OPCML: variants seen among roughly 807,000 people sequenced by gnomAD.
OPCML encodes opioid-binding protein/cell adhesion molecule.
A neutral mutation model predicts 37.8 loss-of-function variants in OPCML; 13 were observed. The observed-to-expected ratio is 0.34, with a 90% CI of 0.22 to 0.55. The LOEUF is 0.55. Ranked by LOEUF, OPCML falls within the 20% of genes least tolerant of loss-of-function variation. The pLI is 0.91. For missense variants in OPCML, 341 were observed against 435.6 expected (o/e 0.78, Z 1.93); for synonymous variants, 176 against 168.8 (o/e 1.04, Z -0.33).
chr11:132,907,564 G>C (rs534980903), intron 2 of OPCML, among the ~76,000 whole-genome samples: 14 of 151,654 alleles, frequency 9.2e-5, no homozygotes, highest in African/African-American at 3.4e-4. Flanking sequence ...CTGAGAGATG[G>C]AGGTCGCAGT....
At chr11:133,430,173 A>G (rs1045397461) in intron 1 of OPCML, among the ~76,000 whole-genome samples, 2 of 152,216 alleles carry the variant, frequency 1.3e-5, no homozygotes, top group Admixed American at 6.5e-5. Context: ...AAACTGGCCA[A>G]TGGAGATAAT....
chr11:132,564,549 G>A lies in OPCML; in HGVS notation c.380-35363C>T, dbSNP rs535455569. Among the ~76,000 whole-genome samples the A allele has an allele frequency of 4.5e-4, 68 of 152,252 alleles. 1 individual carries two copies. The highest frequency in any genetic ancestry group is 1.5e-3 in the African/African-American group (62 of 41,562). On this transcript the variant is annotated intron_variant, in intron 3 of 7. Coordinates refer to ENST00000524381, the MANE Select transcript of OPCML (RefSeq NM_001012393.5). ...TGGAGGTTGCCATTTCTGGAGCTCC[G>A]CATAAACTGATTATACTGAGGAAGT...
chr11:133,362,892 G>A (rs1297976583), intron 1 of OPCML, among the ~76,000 whole-genome samples: 1 of 152,154 alleles, frequency 6.6e-6, no homozygotes, highest in Non-Finnish European at 1.5e-5. Context: ...TGGACAGAGG[G>A]TGGTGATGTC....
chr11:132,761,763 A>T (rs186594019), intron 2 of OPCML, among the ~76,000 whole-genome samples: 1,815 of 152,122 alleles, frequency 0.012, 37 homozygotes, highest in African/African-American at 0.042. Flanking sequence ...ATGCTCCTTT[A>T]GCTCGGAAGA....
chr11:132,443,457 T>G (rs1164839979), intron 4 of OPCML, among the ~76,000 whole-genome samples: 3 of 152,168 alleles, frequency 2.0e-5, no homozygotes, highest in Admixed American at 2.0e-4. Flanking sequence ...CAAGAGAGAC[T>G]ATTACAGACG....
At chr11:133,003,194 A>ACATGG (rs768974132) in intron 1 of OPCML, among the ~76,000 whole-genome samples, 59 of 152,338 alleles carry the variant, frequency 3.9e-4, no homozygotes, top group South Asian at 6.2e-4. Context: ...ATTTCCACAA[A>ACATGG]CATGGTGGCT....
intron 1 of OPCML, among the ~76,000 whole-genome samples, chr11:133,222,404 G>A (rs904084854): frequency 1.3e-5 from 2 of 152,194 alleles, no homozygotes; most frequent in African/African-American, 4.8e-5. Flanking sequence ...TGTTTTAAAG[G>A]CAAAGCCAAC....
intron 4 of OPCML, among the ~76,000 whole-genome samples, chr11:132,461,376 G>A (rs375721241): frequency 3.2e-4 from 49 of 152,248 alleles, no homozygotes; most frequent in African/African-American, 1.2e-3. Context: ...ATTGCAAAAG[G>A]ACTGGGTTCG....
At chr11:132,949,641 T>C (rs1009247276) in intron 1 of OPCML, among the ~76,000 whole-genome samples, 3 of 152,182 alleles carry the variant, frequency 2.0e-5, no homozygotes, top group African/African-American at 7.2e-5. Context: ...AAGAAACCAA[T>C]TTAAAAATGA....
In OPCML at chr11:132,998,300, C is replaced by G. The variant is rs116458056; in HGVS notation, c.62-55290G>C. Reference sequence around the variant, plus strand: ...CTGAGTGCATTGAGCAGAGTTCACCCAGTGGCTTACATGTGTAAGTCTATG... The same window carrying G: ...CTGAGTGCATTGAGCAGAGTTCACCGAGTGGCTTACATGTGTAAGTCTATG... On this transcript the variant is annotated intron_variant, in intron 1 of 7. Coordinates refer to ENST00000524381, the MANE Select transcript of OPCML (RefSeq NM_001012393.5). Among the ~76,000 whole-genome samples the G allele has an allele frequency of 2.3e-3, 353 of 152,248 alleles. 1 individual carries two copies. The highest frequency in any genetic ancestry group is 8.0e-3 in the African/African-American group (332 of 41,550).
chr11:132,800,052 T>C (rs529798391), intron 2 of OPCML, among the ~76,000 whole-genome samples: 55 of 152,360 alleles, frequency 3.6e-4, no homozygotes, highest in Non-Finnish European at 6.3e-4. Flanking sequence ...TTTCATTATA[T>C]GAACATTGGA....
chr11:133,484,747 T>C (rs150551473), intron 1 of OPCML, among the ~76,000 whole-genome samples: 71 of 152,120 alleles, frequency 4.7e-4, no homozygotes, highest in African/African-American at 1.7e-3. Context: ...CCAAGTAGAG[T>C]TCATGTCATG....
rs1334174047 is a variant in OPCML, at chr11:133,242,753, A to G, written c.61+289511T>C. 6.6e-5 allele frequency among the ~76,000 whole-genome samples: 10 copies of G among 152,350 alleles called. No homozygotes were observed. In the East Asian group the frequency reaches 1.9e-3, roughly 29 times the overall value. On this transcript the variant is annotated intron_variant, in intron 1 of 7. Coordinates refer to ENST00000524381, the MANE Select transcript of OPCML (RefSeq NM_001012393.5). ...AAGGGGAGGGGACAGAACTCAGTCC[A>G]TAACAGGATTCCTGCTGCACTCTCT...
intron 1 of OPCML, among the ~76,000 whole-genome samples, chr11:133,391,622 A>G (rs1945175911): frequency 6.6e-6 from 1 of 152,190 alleles, no homozygotes; most frequent in Non-Finnish European, 1.5e-5. Flanking sequence ...TTGTTGAAAG[A>G]AAGTTTGTTA....
chr11:132,714,834 A>G (rs1944407786), intron 2 of OPCML, among the ~76,000 whole-genome samples: 1 of 152,190 alleles, frequency 6.6e-6, no homozygotes, highest in Non-Finnish European at 1.5e-5. Flanking sequence ...TTTCAGACAC[A>G]GTTATATTTT....
chr11:132,533,181 G>A (rs1027149263), intron 3 of OPCML, among the ~76,000 whole-genome samples: 1 of 152,170 alleles, frequency 6.6e-6, no homozygotes, highest in African/African-American at 2.4e-5. Flanking sequence ...AGACGCTATT[G>A]AGCCTTCCCT....
Position 132,441,165 on chromosome 11 carries a change from G to GTTTTTTTTTTTTTTTTTTTTTTT in OPCML, c.506-3807_506-3806insAAAAAAAAAAAAAAAAAAAAAAA, listed in dbSNP as rs68143578. 4.7e-4 allele frequency among the ~76,000 whole-genome samples: 34 copies of GTTTTTTTTTTTTTTTTTTTTTTT among 72,382 alleles called. 1 individual carries two copies. Among genetic ancestry groups the GTTTTTTTTTTTTTTTTTTTTTTT allele is most frequent in the South Asian group, 6.0e-4 (1 of 1,668 alleles). 47.5% of individuals were successfully genotyped at this position (72,382 alleles called of 152,430 possible). ...AGATGTGTTCACCAAGGACTTTTTTGTTTTTTTTTTTTTTTTTTTTGAGAC... is the reference window on the plus strand; with the variant it reads ...AGATGTGTTCACCAAGGACTTTTTTGTTTTTTTTTTTTTTTTTTTTTTTTTTTTTTTTTTTTTTTTTTTGAGAC... On this transcript the variant is annotated intron_variant, in intron 4 of 7. Transcript: ENST00000524381.
intron 1 of OPCML, among the ~76,000 whole-genome samples, chr11:133,272,145 G>A (rs1202409380): frequency 6.6e-6 from 1 of 151,502 alleles, no homozygotes; most frequent in Admixed American, 6.6e-5. Flanking sequence ...CCCCTTACAA[G>A]AGGCTCATGT....
intron 1 of OPCML, among the ~76,000 whole-genome samples, chr11:133,469,121 T>C (rs1947043826): frequency 6.6e-6 from 1 of 152,196 alleles, no homozygotes. Flanking sequence ...ACTAGATAAG[T>C]GTTACTTCTC....
Sources: allele counts gnomAD v4.1 joint callset (sites outside exome capture counted in the v4.1 genomes callset), GRCh38; gene constraint gnomAD v4.1.1; transcripts MANE v1.5; gene names NCBI Gene and HGNC (gene_info 2026-07-23, HGNC 2026-07-21).